The following GNE variants were observed in gnomAD, a reference collection of about 807,000 sequenced individuals.
GNE encodes glucosamine (UDP-N-acetyl)-2-epimerase/N-acetylmannosamine kinase.
In GNE, 41 loss-of-function variants were observed where a neutral mutation model predicts 61.8. That is an observed-to-expected ratio of 0.66 (90% CI 0.52 to 0.86). The LOEUF (loss-of-function observed/expected upper bound fraction) is 0.86. GNE is among the 40% of genes least tolerant of loss of function. The pLI is 0.00. For synonymous variants in GNE, 264 were observed against 326.4 expected (o/e 0.81, Z 2.06); for missense variants, 608 against 909.1 (o/e 0.67, Z 4.26).
intron 1 of GNE, chr9:36,265,513 T>C (rs1444276928): frequency 2.2e-6 from 1 of 456,234 alleles, no homozygotes; most frequent in Non-Finnish European, 4.4e-6. Context: ...TGGAATAAAC[T>C]GAGCAATTCA....
At chr9:36,252,798 T>C (rs914976239) in intron 1 of GNE, among the ~76,000 whole-genome samples, 3 of 143,844 alleles carry the variant, frequency 2.1e-5, no homozygotes, top group African/African-American at 7.8e-5. Context: ...TCATCTGTGT[T>C]CCCCAGCTAG....
At chr9:36,266,276 C>T (rs2133187521) in intron 1 of GNE, among the ~76,000 whole-genome samples, 2 of 152,330 alleles carry the variant, frequency 1.3e-5, no homozygotes, top group Middle Eastern at 3.4e-3. Context: ...AGTACCAGTC[C>T]ATGGCCCAGG....
At chr9:36,262,554 C>G (rs1830645473), upstream of GNE, among the ~76,000 whole-genome samples, 1 of 152,124 alleles carries the variant, frequency 6.6e-6, no homozygotes, top group Non-Finnish European at 1.5e-5. Context: ...TTTCATTTGA[C>G]TTTAGTCTGA....
chr9:36,217,474 G>T lies in GNE; in HGVS notation c.2060C>A (p.Ala687Asp). The change falls in exon 12 of 12, where the codon GCC becomes GAC. Residue 687 changes from alanine to aspartate, a missense_variant. Physicochemically the swap from Ala to Asp is moderately radical, Grantham distance 126 (BLOSUM62 -2). Coordinates refer to ENST00000642385, the MANE Select transcript of GNE (RefSeq NM_005476.7). ...ATCCACGTCCTGCACGGAGGACAAG[G>T]CCTGCTGGCGAATGACGTCTTTGAC... ...HIVKDVIRQQALSSVQDVDVV... is the reference protein window; with the variant it reads ...HIVKDVIRQQDLSSVQDVDVV... 6.2e-7 allele frequency: 1 copy of T among 1,614,126 alleles called. No homozygotes were observed. Among genetic ancestry groups the T allele is most frequent in the Admixed American group, 1.7e-5 (1 of 60,028 alleles).
chr9:36,274,963 AT>A (rs1273788368), intron 1 of GNE, among the ~76,000 whole-genome samples: 15 of 152,262 alleles, frequency 9.9e-5, no homozygotes, highest in Non-Finnish European at 8.8e-5. Flanking sequence ...TGACCTCGTG[AT>A]CCGCCGGACT....
chr9:36,254,481 A>G (rs959880676), intron 1 of GNE, among the ~76,000 whole-genome samples: 2 of 151,816 alleles, frequency 1.3e-5, no homozygotes, highest in African/African-American at 4.8e-5. Flanking sequence ...GTAGTGAGTT[A>G]TGATCATGCC....
intron 4 of GNE, among the ~76,000 whole-genome samples, chr9:36,235,341 G>C (rs1829345204): frequency 6.6e-6 from 1 of 152,136 alleles, no homozygotes; most frequent in Non-Finnish European, 1.5e-5. Context: ...TCCTGTACTG[G>C]GGAACAGGGC....
chr9:36,222,629 C>T (rs1828650035), intron 9 of GNE, 148 bp downstream of exon 9: 2 of 766,020 alleles, frequency 2.6e-6, no homozygotes, highest in Non-Finnish European at 4.8e-6. Context: ...TGGGCACATG[C>T]TCAGAAAAGG....
At position 36,233,666 on chromosome 9, in the gene GNE, CAA is replaced by C. The variant is rs34150061; in HGVS notation, c.982+252_982+253del. Among the ~76,000 whole-genome samples, 262 of 145,412 alleles carry C rather than the reference CAA, an allele frequency of 1.8e-3. 1 individual carries two copies. The highest frequency in any genetic ancestry group is 4.4e-3 in the African/African-American group (175 of 39,606). Reference sequence around the variant, plus strand: ...TGGGCGACAGAGCGAGACTCCATCTCAAAAAAAAAAAAAGAAAGAACCACTTA... The same window carrying C: ...TGGGCGACAGAGCGAGACTCCATCTCAAAAAAAAAAAGAAAGAACCACTTA... On this transcript the variant is annotated intron_variant, in intron 5 of 11. Transcript: ENST00000642385.
At chr9:36,246,729 C>T (rs977323368) in intron 2 of GNE, among the ~76,000 whole-genome samples, 1 of 136,388 alleles carries the variant, frequency 7.3e-6, no homozygotes, top group Non-Finnish European at 1.5e-5. Flanking sequence ...AGTGCAGTAG[C>T]GCGATCTAGG....
In GNE at chr9:36,249,173, G is replaced by T; in HGVS notation, c.164+19C>A. The T allele has an allele frequency of 6.3e-7, 1 of 1,597,304 alleles. No individual in the cohort carries two copies. Among genetic ancestry groups the T allele is most frequent in the Non-Finnish European group, 8.6e-7 (1 of 1,164,702 alleles). ...AGCACACTGTTGCAATGAAGAATAAGAAAATGCTTTCATCTTACCCATAGT... is the reference window on the plus strand; with the variant it reads ...AGCACACTGTTGCAATGAAGAATAATAAAATGCTTTCATCTTACCCATAGT... On this transcript the variant is annotated intron_variant, in intron 2 of 11. Coordinates refer to ENST00000642385, the MANE Select transcript of GNE (RefSeq NM_005476.7).
chr9:36,230,738 C>A (rs192283172), intron 5 of GNE, among the ~76,000 whole-genome samples: 1 of 151,232 alleles, frequency 6.6e-6, no homozygotes, highest in African/African-American at 2.4e-5. Context: ...TGGCTCACTG[C>A]AAGTTCCGCC....
At chr9:36,266,744 C>T (rs1226506584) in intron 1 of GNE, among the ~76,000 whole-genome samples, 2 of 152,198 alleles carry the variant, frequency 1.3e-5, no homozygotes, top group African/African-American at 4.8e-5. Flanking sequence ...CCCGTCTCTA[C>T]TAAAAGTACA....
intron 1 of GNE, among the ~76,000 whole-genome samples, chr9:36,270,430 C>T (rs1395741533): frequency 6.6e-6 from 1 of 151,732 alleles, no homozygotes; most frequent in African/African-American, 2.4e-5. Flanking sequence ...AATCGGGCAT[C>T]AAAGCCCACT....
chr9:36,274,630 A>G (rs1300256172), intron 1 of GNE, among the ~76,000 whole-genome samples: 1 of 152,106 alleles, frequency 6.6e-6, no homozygotes, highest in Non-Finnish European at 1.5e-5. Flanking sequence ...ACTCCTAAAT[A>G]AAAGTATTTT....
chr9:36,256,627 C>A (rs1830363345), intron 1 of GNE, among the ~76,000 whole-genome samples: 1 of 152,162 alleles, frequency 6.6e-6, no homozygotes, highest in Non-Finnish European at 1.5e-5. Context: ...AGGTGATTAA[C>A]CCTTTCCAGA....
intron 4 of GNE, 78 bp from the exon 5 acceptor site, chr9:36,234,210 G>A (rs978899115): frequency 1.2e-5 from 14 of 1,128,832 alleles, no homozygotes; most frequent in South Asian, 9.9e-5. Context: ...TATAGCCCAC[G>A]TAAAGAAATC....
Position 36,217,281 on chromosome 9 carries a change from T to G in GNE, c.*84A>C, listed in dbSNP as rs561159022. 3.3e-6 allele frequency: 3 copies of G among 917,978 alleles called. No individual in the cohort carries two copies. The highest frequency in any genetic ancestry group is 3.3e-5 in the African/African-American group (2 of 61,454). 56.9% of individuals were successfully genotyped at this position (917,978 alleles called of 1,614,324 possible). A position where few individuals can be genotyped will look rare whatever the true frequency, so the allele number is the denominator to read the frequency against. Reference sequence around the variant, plus strand: ...CCTGCAGTTCAATACCAGATTTGATTGTTAAGAAACGGTCATCCTAAAGAC... The same window carrying G: ...CCTGCAGTTCAATACCAGATTTGATGGTTAAGAAACGGTCATCCTAAAGAC... On this transcript the variant is annotated 3_prime_UTR_variant, in exon 12 of 12. Transcript: ENST00000642385.
intron 1 of GNE, 149 bp from the exon 2 acceptor site, chr9:36,249,546 C>T: frequency 1.6e-6 from 1 of 617,654 alleles, no homozygotes; most frequent in Non-Finnish European, 2.8e-6. Context: ...TTTTGCACCT[C>T]CACTTATGTG....
Sources: gnomAD v4.1 joint callset for allele counts (sites outside exome capture counted in the v4.1 genomes callset) on GRCh38, gnomAD v4.1.1 for gene constraint, MANE v1.5 for transcripts, NCBI Gene and HGNC (gene_info 2026-07-23, HGNC 2026-07-21) for gene names.